Variants in FER observed in about 807,000 individuals in gnomAD.
FER encodes FER tyrosine kinase.
A neutral mutation model predicts 111.0 loss-of-function variants in FER; 63 were observed. That is an observed-to-expected ratio of 0.57 (90% CI 0.46 to 0.70). FER has a LOEUF of 0.70. Among genes scored for constraint, FER ranks in the 30% least tolerant of loss-of-function variants. FER has a pLI of 0.00. For missense variants in FER, 914 were observed against 954.0 expected (o/e 0.96, Z 0.55); for synonymous variants, 327 against 313.9 (o/e 1.04, Z -0.44).
At chr5:108,761,551 A>G (rs1206103540) in intron 1 of FER, among the ~76,000 whole-genome samples, 1 of 152,214 alleles carries the variant, frequency 6.6e-6, no homozygotes, top group African/African-American at 2.4e-5. Flanking sequence ...ATGACCATAA[A>G]AGATAATAAT....
intron 1 of FER, among the ~76,000 whole-genome samples, chr5:108,761,219 C>T (rs1361456454): frequency 1.3e-5 from 2 of 152,202 alleles, no homozygotes; most frequent in Non-Finnish European, 1.5e-5. Context: ...TGAGCCACTG[C>T]ACCTGGCCTA....
In FER at chr5:109,097,048, C is replaced by CACACACATAA. The variant is rs1382946556; in HGVS notation, c.1925-3348_1925-3347insACACACATAA. ...ATAGTAATAGTATTTATTGTGTGTA[C>CACACACATAA]TGTGTGCTAGGCACATGCTTGATAC... is the stretch of plus-strand genomic sequence containing the variant. On this transcript the variant is annotated intron_variant, in intron 16 of 19. Coordinates refer to ENST00000281092, the MANE Select transcript of FER (RefSeq NM_005246.4). Among the ~76,000 whole-genome samples the CACACACATAA allele has an allele frequency of 3.3e-5, 5 of 149,904 alleles. No individual in the cohort carries two copies. In the South Asian group the frequency reaches 1.0e-3, roughly 31 times the overall value.
intron 13 of FER, among the ~76,000 whole-genome samples, chr5:109,002,418 A>C (rs1457801314): frequency 6.6e-6 from 1 of 151,664 alleles, no homozygotes; most frequent in Admixed American, 6.6e-5. Context: ...CTGGCTAGCC[A>C]TATGTAGAAA....
At chr5:109,123,528 T>A (rs1176721553) in intron 17 of FER, among the ~76,000 whole-genome samples, 1 of 152,094 alleles carries the variant, frequency 6.6e-6, no homozygotes, top group Non-Finnish European at 1.5e-5. Flanking sequence ...TTGCTTTTTA[T>A]TTTTTTGTAT....
chr5:109,138,077 T>G (rs1753106285), intron 17 of FER, among the ~76,000 whole-genome samples: 1 of 152,156 alleles, frequency 6.6e-6, no homozygotes, highest in Non-Finnish European at 1.5e-5. Context: ...GACTCATGCT[T>G]CAGGAACTAT....
chr5:108,761,019 C>T (rs1751680446), intron 1 of FER, among the ~76,000 whole-genome samples: 1 of 151,990 alleles, frequency 6.6e-6, no homozygotes, highest in Non-Finnish European at 1.5e-5. Context: ...CAACTTCCGC[C>T]TCCTGGGTTC....
intron 16 of FER, among the ~76,000 whole-genome samples, chr5:109,076,930 T>G (rs996277270): frequency 6.6e-6 from 1 of 152,228 alleles, no homozygotes; most frequent in African/African-American, 2.4e-5. Context: ...TCATTATGGA[T>G]GATGATAAGC....
At chr5:109,072,482 G>A (rs1285680535) in intron 16 of FER, among the ~76,000 whole-genome samples, 2 of 151,688 alleles carry the variant, frequency 1.3e-5, no homozygotes, top group Admixed American at 1.3e-4. Context: ...AGATTGTGCG[G>A]TATTTTCTGT....
chr5:108,854,984 T>G (rs1477308968), intron 5 of FER, among the ~76,000 whole-genome samples: 1 of 149,148 alleles, frequency 6.7e-6, no homozygotes, highest in Non-Finnish European at 1.5e-5. Context: ...CGTAGAGGAT[T>G]TGCCATTGAA....
intron 16 of FER, among the ~76,000 whole-genome samples, chr5:109,055,311 A>G (rs1260911740): frequency 6.6e-6 from 1 of 152,222 alleles, no homozygotes; most frequent in East Asian, 1.9e-4. Flanking sequence ...AAATAAATAA[A>G]TAGGACTATA....
At chr5:109,096,189 C>A (rs543237270) in intron 16 of FER, among the ~76,000 whole-genome samples, 1 of 151,968 alleles carries the variant, frequency 6.6e-6, no homozygotes, top group Non-Finnish European at 1.5e-5. Context: ...TAGCAGAAAT[C>A]TTTGAGAAAC....
chr5:109,017,830 T>C (rs1767385239), intron 13 of FER, among the ~76,000 whole-genome samples: 1 of 151,924 alleles, frequency 6.6e-6, no homozygotes, highest in Non-Finnish European at 1.5e-5. Context: ...AAAACCTACT[T>C]GTTTTCCCTC....
intron 17 of FER, among the ~76,000 whole-genome samples, chr5:109,147,762 AAC>A (rs1157219143): frequency 1.2e-4 from 17 of 145,872 alleles, no homozygotes; most frequent in East Asian, 1.0e-3. Context: ...ATACAAAGAG[AAC>A]ACACACACAC....
At chr5:109,039,417 C>T (rs1253504689) in intron 14 of FER, among the ~76,000 whole-genome samples, 6 of 152,048 alleles carry the variant, frequency 3.9e-5, no homozygotes, top group Non-Finnish European at 7.4e-5. Context: ...TCTTACGGAG[C>T]TTAATATTCT....
At chr5:108,874,990 A>T (rs1021246678) in intron 8 of FER, among the ~76,000 whole-genome samples, 6 of 150,628 alleles carry the variant, frequency 4.0e-5, no homozygotes, top group African/African-American at 1.5e-4. Context: ...AACTGGACAG[A>T]TAACTTATCC....
intron 5 of FER, among the ~76,000 whole-genome samples, chr5:108,861,636 A>AT (rs1472098317): frequency 6.6e-6 from 1 of 152,044 alleles, no homozygotes; most frequent in African/African-American, 2.4e-5. Flanking sequence ...AAAAATAAGA[A>AT]TTTTTTCATT....
At chr5:108,851,260 C>T (rs766612945) in intron 5 of FER, among the ~76,000 whole-genome samples, 1 of 152,180 alleles carries the variant, frequency 6.6e-6, no homozygotes, top group Non-Finnish European at 1.5e-5. Context: ...AGGAGAAAGT[C>T]ATGTCTTACA....
intron 5 of FER, among the ~76,000 whole-genome samples, chr5:108,845,638 T>G (rs1761959220): frequency 6.6e-6 from 1 of 152,166 alleles, no homozygotes; most frequent in African/African-American, 2.4e-5. Context: ...TTGCCCTGGC[T>G]AGATCCTCCA....
chr5:109,001,020 C>A (rs1267028734), intron 13 of FER, among the ~76,000 whole-genome samples: 2 of 152,086 alleles, frequency 1.3e-5, no homozygotes, highest in Non-Finnish European at 2.9e-5. Context: ...CAATAGCTTA[C>A]CAACCAAAAA....
Sources: allele counts gnomAD v4.1 joint callset (sites outside exome capture counted in the v4.1 genomes callset), GRCh38; gene constraint gnomAD v4.1.1; transcripts MANE v1.5; gene names NCBI Gene and HGNC (gene_info 2026-07-23, HGNC 2026-07-21).